The following STXBP6 variants were observed in gnomAD, a reference collection of about 807,000 sequenced individuals.
STXBP6 encodes syntaxin-binding protein 6.
STXBP6 carries 21 observed loss-of-function variants against 26.9 expected under a neutral mutation model. The ratio of observed to expected loss-of-function variants is 0.78; its 90% CI spans 0.55 to 1.12. The LOEUF (loss-of-function observed/expected upper bound fraction) is 1.12, where lower values mean the gene tolerates loss of function less well. Among genes scored for constraint, STXBP6 ranks in the 50% most tolerant of loss-of-function variants. The pLI, the probability that STXBP6 is intolerant of heterozygous loss-of-function variation, is 0.00. For synonymous variants in STXBP6, 97 were observed against 92.6 expected (o/e 1.05, Z -0.27); for missense variants, 232 against 257.9 (o/e 0.90, Z 0.69).
At chr14:24,905,779 A>G (rs2071365875) in intron 2 of STXBP6, among the ~76,000 whole-genome samples, 1 of 152,226 alleles carries the variant, frequency 6.6e-6, no homozygotes, top group Admixed American at 6.5e-5. Flanking sequence ...AAAACCTTCC[A>G]GGGATACACA....
intron 4 of STXBP6, among the ~76,000 whole-genome samples, chr14:24,851,632 C>T (rs947891002): frequency 2.6e-5 from 4 of 152,020 alleles, no homozygotes; most frequent in African/African-American, 7.2e-5. Context: ...TGTCATCACA[C>T]GTATAACAGT....
chr14:25,004,379 C>A (rs2074840575), intron 1 of STXBP6, among the ~76,000 whole-genome samples: 1 of 152,212 alleles, frequency 6.6e-6, no homozygotes, highest in Non-Finnish European at 1.5e-5. Flanking sequence ...AATCAACTTT[C>A]TCTAGACAAC....
intron 2 of STXBP6, among the ~76,000 whole-genome samples, chr14:24,872,905 T>C (rs2069990734): frequency 6.6e-6 from 1 of 152,222 alleles, no homozygotes; most frequent in East Asian, 1.9e-4. Flanking sequence ...TTTATTTTTC[T>C]CTGTAACATT....
chr14:25,005,818 A>C (rs576572559), intron 1 of STXBP6, among the ~76,000 whole-genome samples: 1 of 152,230 alleles, frequency 6.6e-6, no homozygotes, highest in East Asian at 1.9e-4. Flanking sequence ...AAAAAAAAAA[A>C]AGCTAAATAA....
intron 1 of STXBP6, chr14:24,987,879 CACTT>C (rs1309176097): frequency 4.3e-5 from 42 of 985,378 alleles, no homozygotes; most frequent in East Asian, 1.1e-4. Flanking sequence ...ATAAGATACA[CACTT>C]ACTCATTCAA....
chr14:24,873,363 A>T lies in STXBP6; in HGVS notation c.155-16206T>A, dbSNP rs751657766. On this transcript the variant is annotated intron_variant, in intron 2 of 5. Transcript: ENST00000323944. ...GAGGGTTCAACAAGCCAGAAGAGCC[A>T]GGACAGTTTTCAGAGGAAGGCAAGT... Among the ~76,000 whole-genome samples, 84 of 152,330 alleles carry T rather than the reference A, an allele frequency of 5.5e-4. No individual in the cohort carries two copies. In the Middle Eastern group the frequency reaches 0.01, roughly 19 times the overall value.
At chr14:24,888,759 A>G (rs2070681776) in intron 2 of STXBP6, among the ~76,000 whole-genome samples, 1 of 151,600 alleles carries the variant, frequency 6.6e-6, no homozygotes, top group Non-Finnish European at 1.5e-5. Context: ...AGTCTGTTCC[A>G]GAAAATATTT....
intron 2 of STXBP6, among the ~76,000 whole-genome samples, chr14:24,898,044 C>T (rs951615871): frequency 1.3e-5 from 2 of 152,124 alleles, no homozygotes; most frequent in Non-Finnish European, 2.9e-5. Context: ...TTTCTGTACA[C>T]GAGGTTTAGC....
At chr14:24,903,158 G>C (rs1595078950) in intron 2 of STXBP6, among the ~76,000 whole-genome samples, 1 of 152,146 alleles carries the variant, frequency 6.6e-6, no homozygotes, top group African/African-American at 2.4e-5. Context: ...ATGTGCTTGA[G>C]GCTTTGCAGT....
chr14:24,852,290 T>G (rs854320), intron 4 of STXBP6, among the ~76,000 whole-genome samples: 1 of 152,116 alleles, frequency 6.6e-6, no homozygotes, highest in African/African-American at 2.4e-5. Context: ...ATTGTGACTA[T>G]GTATTAAGCC....
chr14:24,829,002 C>T (rs1299099289), intron 4 of STXBP6, among the ~76,000 whole-genome samples: 1 of 152,104 alleles, frequency 6.6e-6, no homozygotes, highest in East Asian at 1.9e-4. Flanking sequence ...CCCATGAAGA[C>T]CCAGTGAGAT....
chr14:24,847,723 A>G (rs929703979), intron 4 of STXBP6, among the ~76,000 whole-genome samples: 2 of 152,182 alleles, frequency 1.3e-5, no homozygotes, highest in African/African-American at 4.8e-5. Flanking sequence ...ATGTTGGTGG[A>G]AAAGGAATAT....
At chr14:24,817,980 C>A in intron 5 of STXBP6, 1 of 449,514 alleles carries the variant, frequency 2.2e-6, no homozygotes, top group Admixed American at 2.4e-5. Flanking sequence ...TGAGCGTGAG[C>A]CTCCAGAAGA....
intron 4 of STXBP6, among the ~76,000 whole-genome samples, chr14:24,825,355 G>A (rs560181157): frequency 5.3e-5 from 8 of 152,282 alleles, no homozygotes; most frequent in South Asian, 2.1e-4. Flanking sequence ...TAGAGGCTAC[G>A]GAACAGATAG....
At chr14:24,971,980 G>A (rs1361676277) in intron 2 of STXBP6, among the ~76,000 whole-genome samples, 1 of 152,122 alleles carries the variant, frequency 6.6e-6, no homozygotes, top group Non-Finnish European at 1.5e-5. Context: ...TACCTTATCA[G>A]GGATGTAACT....
At chr14:24,939,251 A>C (rs538680281) in intron 2 of STXBP6, among the ~76,000 whole-genome samples, 130 of 152,310 alleles carry the variant, frequency 8.5e-4, no homozygotes, top group Non-Finnish European at 1.5e-3. Context: ...GACCACAGGG[A>C]TATATGGAGT....
intron 1 of STXBP6, among the ~76,000 whole-genome samples, chr14:24,982,224 A>G (rs193281931): frequency 2.0e-4 from 30 of 152,284 alleles, no homozygotes; most frequent in African/African-American, 7.2e-4. Context: ...TAAGTTGACC[A>G]TATTCTTTTT....
chr14:24,841,458 G>A (rs1336061582), intron 4 of STXBP6, among the ~76,000 whole-genome samples: 1 of 152,104 alleles, frequency 6.6e-6, no homozygotes, highest in Non-Finnish European at 1.5e-5. Context: ...TTCTCAATCT[G>A]AGTCTTCAAT....
intron 2 of STXBP6, among the ~76,000 whole-genome samples, chr14:24,907,119 T>G (rs560914972): frequency 6.6e-6 from 1 of 152,256 alleles, no homozygotes; most frequent in South Asian, 2.1e-4. Context: ...AGGGTGACTA[T>G]AGATGTCAAT....
Sources: allele counts gnomAD v4.1 joint callset (sites outside exome capture counted in the v4.1 genomes callset), GRCh38; gene constraint gnomAD v4.1.1; transcripts MANE v1.5; gene names NCBI Gene and HGNC (gene_info 2026-07-23, HGNC 2026-07-21).